The following KCMF1 variants were observed in gnomAD, a reference collection of about 807,000 sequenced individuals.
KCMF1 encodes E3 ubiquitin-protein ligase KCMF1.
A neutral mutation model predicts 41.1 loss-of-function variants in KCMF1; 3 were observed. The ratio of observed to expected loss-of-function variants is 0.07; its 90% CI spans 0.03 to 0.19. The LOEUF (loss-of-function observed/expected upper bound fraction) is 0.19. Ranked by LOEUF, KCMF1 falls within the 10% of genes least tolerant of loss-of-function variation. The pLI is 1.00. For missense variants in KCMF1, 286 were observed against 488.9 expected (o/e 0.58, Z 3.91); for synonymous variants, 142 against 164.5 (o/e 0.86, Z 1.04).
intron 1 of KCMF1, among the ~76,000 whole-genome samples, chr2:84,987,545 T>C (rs969508308): frequency 6.6e-6 from 1 of 152,164 alleles, no homozygotes; most frequent in Non-Finnish European, 1.5e-5. Flanking sequence ...TGTAGTAAAT[T>C]GGGCATCTAG....
At chr2:85,027,786 G>C (rs1453938486) in intron 1 of KCMF1, 103 bp from the exon 2 acceptor site, 1 of 666,328 alleles carries the variant, frequency 1.5e-6, no homozygotes, top group African/African-American at 1.8e-5. Context: ...TAGTCATTTT[G>C]GAAAGGACAT....
At chr2:85,004,766 G>T (rs1221468971) in intron 1 of KCMF1, among the ~76,000 whole-genome samples, 1 of 152,074 alleles carries the variant, frequency 6.6e-6, no homozygotes, top group East Asian at 1.9e-4. Context: ...ATTTTCATGA[G>T]TCTTGCTTGA....
chr2:84,981,268 C>T (rs1347224841), intron 1 of KCMF1, among the ~76,000 whole-genome samples: 9 of 151,466 alleles, frequency 5.9e-5, no homozygotes, highest in Admixed American at 2.0e-4. Flanking sequence ...CGGCTCACTG[C>T]AAGCTCCGCC....
chr2:85,026,321 C>G (rs893366042), intron 1 of KCMF1, among the ~76,000 whole-genome samples: 1 of 151,072 alleles, frequency 6.6e-6, no homozygotes, highest in East Asian at 1.9e-4. Flanking sequence ...TAAACAAATA[C>G]AAATGAGATC....
intron 6 of KCMF1, 81 bp from the exon 7 acceptor site, chr2:85,053,067 G>A: frequency 7.6e-7 from 1 of 1,314,008 alleles, no homozygotes; most frequent in South Asian, 1.5e-5. Context: ...AAACTTCACA[G>A]TGGAGAGCAC....
chr2:85,003,733 G>A (rs564658492), intron 1 of KCMF1, among the ~76,000 whole-genome samples: 91 of 152,040 alleles, frequency 6.0e-4, no homozygotes, highest in African/African-American at 2.0e-3. Context: ...TACCACACCT[G>A]GCCTACTGTC....
intron 1 of KCMF1, among the ~76,000 whole-genome samples, chr2:85,014,700 GGC>G (rs535457109): frequency 7.5e-5 from 11 of 146,964 alleles, no homozygotes; most frequent in African/African-American, 2.8e-4. Context: ...TGGAAATACT[GGC>G]GCGCGCGTGC....
At chr2:84,977,877 C>T (rs1211146705) in intron 1 of KCMF1, among the ~76,000 whole-genome samples, 3 of 151,854 alleles carry the variant, frequency 2.0e-5, no homozygotes, top group Non-Finnish European at 4.4e-5. Context: ...GCTCATTTTC[C>T]CATATTTTTA....
At chr2:85,047,101 T>C (rs986682854) in intron 5 of KCMF1, among the ~76,000 whole-genome samples, 1 of 151,928 alleles carries the variant, frequency 6.6e-6, no homozygotes, top group African/African-American at 2.4e-5. Flanking sequence ...TCACTGGGGG[T>C]TTTGGAACGT....
chr2:85,042,995 G>A (rs183298284), intron 3 of KCMF1, among the ~76,000 whole-genome samples: 1 of 152,284 alleles, frequency 6.6e-6, no homozygotes, highest in African/African-American at 2.4e-5. Flanking sequence ...AGGAAATAAG[G>A]TTTAAAAATG....
rs1177478028 is a variant in KCMF1, at chr2:85,056,297, A to G, written c.*2888A>G. The G allele has an allele frequency of 1.3e-5, 2 of 152,142 alleles. No homozygotes were observed. Among genetic ancestry groups the G allele is most frequent in the South Asian group, 2.1e-4 (1 of 4,830 alleles). The allele number at this position is 152,142 out of a possible 1,614,324, so 9.4% of individuals were successfully genotyped here. A position where few individuals can be genotyped will look rare whatever the true frequency, so the allele number is the denominator to read the frequency against. On this transcript the variant is annotated 3_prime_UTR_variant, in exon 7 of 7. Coordinates refer to ENST00000409785, the MANE Select transcript of KCMF1 (RefSeq NM_020122.5). ...CGTAACAAAAAAAATCCAGCCCATT[A>G]TCCCCACCCCCCATTTTCCCTCTCA...
At chr2:85,006,290 A>ATT (rs1674468969) in intron 1 of KCMF1, among the ~76,000 whole-genome samples, 3 of 113,410 alleles carry the variant, frequency 2.6e-5, no homozygotes, top group East Asian at 2.8e-4. Context: ...AAATATTCTC[A>ATT]TTTTCTTTTT....
intron 1 of KCMF1, among the ~76,000 whole-genome samples, chr2:85,004,647 G>A (rs894356680): frequency 1.3e-5 from 2 of 152,098 alleles, no homozygotes; most frequent in African/African-American, 2.4e-5. Flanking sequence ...TTGGAGGGGG[G>A]CAGGTGGGCA....
Position 85,053,310 on chromosome 2 carries a change from T to A in KCMF1, c.1047T>A (p.Ala349=). 2 of 1,613,950 alleles carry A rather than the reference T, an allele frequency of 1.2e-6. No homozygotes were observed. Among genetic ancestry groups the A allele is most frequent in the Non-Finnish European group, 1.7e-6 (2 of 1,179,880 alleles). ...DDRGEMADFG[A]MGCVDIMPLD... ...GGGGGGAGATGGCAGATTTTGGTGC[T>A]ATGGGCTGTGTAGATATTATGCCTT... Residue 349 remains alanine (A), a synonymous_variant, in exon 7 of 7, where the codon GCT becomes GCA. Coordinates refer to ENST00000409785, the MANE Select transcript of KCMF1 (RefSeq NM_020122.5).
At chr2:84,977,359 C>T (rs533866461) in intron 1 of KCMF1, among the ~76,000 whole-genome samples, 3 of 152,290 alleles carry the variant, frequency 2.0e-5, no homozygotes, top group South Asian at 4.1e-4. Flanking sequence ...AGATCCTTAC[C>T]ATCAGGTCTT....
rs968414145 is a variant in KCMF1 at position 85,053,665 on chromosome 2, C to G, written c.*256C>G. The G allele has an allele frequency of 5.2e-6, 2 of 381,066 alleles. No individual in the cohort carries two copies. Among genetic ancestry groups the G allele is most frequent in the Non-Finnish European group, 9.4e-6 (2 of 211,830 alleles). 23.6% of individuals were successfully genotyped at this position (381,066 alleles called of 1,614,324 possible). ...GTACCTTGACATGCAAAAGGCTCTC[C>G]TAATACTCCACATTCAAACTGAAGA... is the stretch of plus-strand genomic sequence containing the variant. On this transcript the variant is annotated 3_prime_UTR_variant, in exon 7 of 7. Coordinates refer to ENST00000409785, the MANE Select transcript of KCMF1 (RefSeq NM_020122.5).
At chr2:84,972,105 G>A (rs939174458) in intron 1 of KCMF1, 1 of 152,196 alleles carries the variant, frequency 6.6e-6, no homozygotes, top group African/African-American at 2.4e-5. Flanking sequence ...CCAAGTTCCC[G>A]GGGTGGATCC....
At chr2:85,024,605 T>TGC (rs1483343282) in intron 1 of KCMF1, among the ~76,000 whole-genome samples, 57 of 147,914 alleles carry the variant, frequency 3.9e-4, no homozygotes, top group African/African-American at 1.2e-3. Flanking sequence ...TGTGTGTGTG[T>TGC]GCGCGTGTGT....
At chr2:85,047,830 C>T (rs1675709274) in intron 5 of KCMF1, among the ~76,000 whole-genome samples, 1 of 152,092 alleles carries the variant, frequency 6.6e-6, no homozygotes, top group African/African-American at 2.4e-5. Context: ...GTGCACCTAC[C>T]TGGAAGCCAT....
Sources: allele counts gnomAD v4.1 joint callset (sites outside exome capture counted in the v4.1 genomes callset), GRCh38; gene constraint gnomAD v4.1.1; transcripts MANE v1.5; gene names NCBI Gene and HGNC (gene_info 2026-07-23, HGNC 2026-07-21).